TBCE: variants seen among roughly 807,000 people sequenced by gnomAD.
The protein encoded by TBCE is tubulin folding cofactor E, also known as tubulin-specific chaperone E.
Under a neutral mutation model 77.0 loss-of-function variants are expected in TBCE, and 53 were observed. The ratio of observed to expected loss-of-function variants is 0.69; its 90% confidence interval spans 0.55 to 0.87. The LOEUF (loss-of-function observed/expected upper bound fraction) is 0.87, where lower values mean the gene tolerates loss of function less well. TBCE is among the 40% of genes least tolerant of loss of function. The probability of loss-of-function intolerance (pLI) is 0.00; values close to 1 mark genes in which losing one functional copy is unlikely to be tolerated. For missense variants in TBCE, 624 were observed against 622.4 expected (o/e 1.00, Z -0.03); for synonymous variants, 235 against 241.3 (o/e 0.97, Z 0.24).
chr1:235,380,161 T>TA lies in TBCE; in HGVS notation c.100+12_100+13insA. The TA allele has an allele frequency of 8.8e-7, 1 of 1,136,478 alleles. No homozygotes were observed. Among genetic ancestry groups the TA allele is most frequent in the South Asian group, 1.3e-5 (1 of 78,828 alleles). 70.4% of individuals were successfully genotyped at this position (1,136,478 alleles called of 1,614,324 possible). On this transcript the variant is annotated intron_variant, in intron 2 of 16. Transcript: ENST00000642610. ...CCCTCCCGTGGCAGGTAAGCAATTA[T>TA]TGTGTGTGTGTGTGTGTGTGTGTGT...
chr1:235,435,545 T>C (rs1681390977), intron 8 of TBCE, among the ~76,000 whole-genome samples, 200 bp from the exon 9 acceptor site: 1 of 152,174 alleles, frequency 6.6e-6, no homozygotes. Context: ...TGATATAGGA[T>C]CACAGGCTAG....
rs535916076 is a variant in TBCE at position 235,405,107 on chromosome 1, C to T, written c.185+3520C>T. ...TCTTCCGAGTAGCTGGGACTACAGG[C>T]GCATGTCACCATGCCCAGCTAATTT... On this transcript the variant is annotated intron_variant, in intron 3 of 16. Coordinates refer to ENST00000642610, the MANE Select transcript of TBCE (RefSeq NM_003193.5). 4.0e-3 allele frequency among the ~76,000 whole-genome samples: 602 copies of T among 151,818 alleles called. 4 individuals are homozygous for T. The highest frequency in any genetic ancestry group is 0.014 in the African/African-American group (574 of 41,438).
rs34144462 is a variant in TBCE, at chr1:235,370,550, A to ATT, written c.-32+3061_-32+3062dup. 1.0e-3 allele frequency among the ~76,000 whole-genome samples: 134 copies of ATT among 129,676 alleles called. 1 individual carries two copies. Among genetic ancestry groups the ATT allele is most frequent in the Middle Eastern group, 4.1e-3 (1 of 244 alleles). 85.1% of individuals were successfully genotyped at this position (129,676 alleles called of 152,430 possible). A position where few individuals can be genotyped will look rare whatever the true frequency, so the allele number is the denominator to read the frequency against. ...ACAGGCGTGAGCCACTGCACCCGGC[A>ATT]TTTTTTTTTTTTTTTTGGGAAGATC... On this transcript the variant is annotated intron_variant, in intron 1 of 16. Coordinates refer to ENST00000642610, the MANE Select transcript of TBCE (RefSeq NM_003193.5).
chr1:235,441,406 G>A (rs553287808), intron 13 of TBCE: 5 of 268,660 alleles, frequency 1.9e-5, no homozygotes, highest in East Asian at 9.9e-5. Context: ...TTCTGTCAGC[G>A]CAGAAAGAGA....
chr1:235,380,540 T>C (rs943521870), intron 2 of TBCE, among the ~76,000 whole-genome samples: 1 of 152,170 alleles, frequency 6.6e-6, no homozygotes, highest in Admixed American at 6.6e-5. Context: ...TTTAAACTGA[T>C]ACACATTACA....
chr1:235,406,906 C>G (rs755737443), intron 3 of TBCE, among the ~76,000 whole-genome samples: 5 of 148,236 alleles, frequency 3.4e-5, no homozygotes, highest in Non-Finnish European at 7.4e-5. Context: ...GTGATCTCGC[C>G]TCACTGCACC....
At chr1:235,406,501 C>CCAAAGAA (rs1487781452) in intron 3 of TBCE, among the ~76,000 whole-genome samples, 1 of 152,168 alleles carries the variant, frequency 6.6e-6, no homozygotes, top group Non-Finnish European at 1.5e-5. Context: ...TTTGGTATAT[C>CCAAAGAA]CAAAGAACAA....
chr1:235,448,525 T>TGATTCTA (rs1274105291), intron 16 of TBCE, 85 bp downstream of exon 16: 14 of 1,436,672 alleles, frequency 9.7e-6, no homozygotes, highest in African/African-American at 1.4e-5. Flanking sequence ...AGCAACAGTT[T>TGATTCTA]GATTCTAAAT....
rs1170145823 is a variant in TBCE at position 235,447,000 on chromosome 1, A to AACTT, written c.1400-1348_1400-1345dup. Among the ~76,000 whole-genome samples, 11 of 152,216 alleles carry AACTT rather than the reference A, an allele frequency of 7.2e-5. No individual in the cohort carries two copies. The South Asian group carries it at 1.9e-3, about 26-fold the overall frequency. ...TCTTATTAGAACTGTTTTATGACCAAACTTTTTGTTTCTGGCATGTGTTAG... is the reference window on the plus strand; with the variant it reads ...TCTTATTAGAACTGTTTTATGACCAAACTTACTTTTTGTTTCTGGCATGTGTTAG... On this transcript the variant is annotated intron_variant, in intron 15 of 16. Transcript: ENST00000642610.
intron 2 of TBCE, among the ~76,000 whole-genome samples, chr1:235,384,266 T>C (rs1409143862): frequency 7.4e-6 from 1 of 134,818 alleles, no homozygotes; most frequent in Non-Finnish European, 1.6e-5. Flanking sequence ...AGGATATTGG[T>C]CTAAAATTCT....
Position 235,427,326 on chromosome 1 carries a change from G to A in TBCE, c.560+87G>A, listed in dbSNP as rs577098179. 2.6e-5 allele frequency: 27 copies of A among 1,031,654 alleles called. No individual in the cohort carries two copies. In the African/African-American group the frequency reaches 3.5e-4, roughly 13 times the overall value. 63.9% of individuals were successfully genotyped at this position (1,031,654 alleles called of 1,614,324 possible). A position where few individuals can be genotyped will look rare whatever the true frequency, so the allele number is the denominator to read the frequency against. ...ACAGCATCTCTGTGGAAAGAGGTAG[G>A]GAGCCGGAAGGGTTAAGGCTGCCAC... On this transcript the variant is annotated intron_variant, in intron 6 of 16. Coordinates refer to ENST00000642610, the MANE Select transcript of TBCE (RefSeq NM_003193.5).
chr1:235,432,146 G>C (rs1203437573), intron 7 of TBCE, among the ~76,000 whole-genome samples: 3 of 152,032 alleles, frequency 2.0e-5, no homozygotes, highest in Non-Finnish European at 4.4e-5. Flanking sequence ...ACCATGCCCA[G>C]CTTATTTTTG....
rs1293879711 is a variant in TBCE at position 235,380,132 on chromosome 1, T to G, written c.83T>G (p.Val28Gly). ...GEHATVRFAG[V>G]VPPVAGPWLG... ...CATGCAACAGTACGTTTTGCTGGTGTTGTCCCTCCCGTGGCAGGTAAGCAA... is the reference window on the plus strand; with the variant it reads ...CATGCAACAGTACGTTTTGCTGGTGGTGTCCCTCCCGTGGCAGGTAAGCAA... The change falls in exon 2 of 17, where the codon GTT (valine) becomes GGT (glycine). Residue 28 changes from valine (V) to glycine (G), a missense_variant. By Grantham distance (109) the Val-to-Gly change is moderately radical. Transcript: ENST00000642610. 11 of 1,612,722 alleles carry G rather than the reference T, an allele frequency of 6.8e-6. No homozygotes were observed. The highest frequency in any genetic ancestry group is 1.6e-4 in the Middle Eastern group (1 of 6,082).
chr1:235,424,100 A>G (rs531431543), intron 5 of TBCE, among the ~76,000 whole-genome samples: 4 of 152,088 alleles, frequency 2.6e-5, no homozygotes, highest in Non-Finnish European at 5.9e-5. Flanking sequence ...ATGGGGTGCA[A>G]TGATATGGAT....
intron 2 of TBCE, 97 bp from the exon 3 acceptor site, chr1:235,401,406 A>T: frequency 9.9e-7 from 1 of 1,010,010 alleles, no homozygotes. Flanking sequence ...TATCTGTGTG[A>T]TATGGTTTCC....
In TBCE at chr1:235,369,790, C is replaced by T. The variant is rs140215043; in HGVS notation, c.-32+2286C>T. On this transcript the variant is annotated intron_variant, in intron 1 of 16. Transcript: ENST00000642610. ...GAGGTTGCAGTGAGCCGAGATTGTG[C>T]CATTGCACTCCAGTCTGGGCAACAA... 2.2e-3 allele frequency among the ~76,000 whole-genome samples: 337 copies of T among 151,836 alleles called. 2 individuals are homozygous for T. The highest frequency in any genetic ancestry group is 7.9e-3 in the African/African-American group (326 of 41,380).
At chr1:235,424,693 T>C (rs1207202490) in intron 5 of TBCE, among the ~76,000 whole-genome samples, 8 of 151,960 alleles carry the variant, frequency 5.3e-5, no homozygotes. Flanking sequence ...TTAGTAGGGA[T>C]GGGGTTTCTC....
chr1:235,392,781 C>G (rs1481174414), intron 2 of TBCE, among the ~76,000 whole-genome samples: 1 of 152,072 alleles, frequency 6.6e-6, no homozygotes, highest in East Asian at 1.9e-4. Flanking sequence ...TGGTTTAATT[C>G]TTTAGTCCAA....
At chr1:235,400,698 C>A (rs1346432538) in intron 2 of TBCE, among the ~76,000 whole-genome samples, 1 of 140,530 alleles carries the variant, frequency 7.1e-6, no homozygotes, top group East Asian at 2.2e-4. Context: ...CTGTGCCCAG[C>A]CTTTTTTTTT....
Sources: gnomAD v4.1 joint callset for allele counts (sites outside exome capture counted in the v4.1 genomes callset) on GRCh38, gnomAD v4.1.1 for gene constraint, MANE v1.5 for transcripts, NCBI Gene and HGNC (gene_info 2026-07-23, HGNC 2026-07-21) for gene names.